The following CPLANE1 variants were observed in gnomAD, a reference collection of about 807,000 sequenced individuals.
CPLANE1 encodes the protein ciliogenesis and planar polarity effector 1.
CPLANE1 carries 263 observed loss-of-function variants against 362.5 expected under a neutral mutation model. The ratio of observed to expected loss-of-function variants is 0.73; its 90% CI spans 0.66 to 0.80. The LOEUF is 0.80. CPLANE1 is among the 30% of genes least tolerant of loss of function. The probability of loss-of-function intolerance (pLI) is 0.00; values close to 1 mark genes in which losing one functional copy is unlikely to be tolerated. For synonymous variants in CPLANE1, 1,212 were observed against 1,302.6 expected (o/e 0.93, Z 1.50); for missense variants, 3,461 against 3,793.4 (o/e 0.91, Z 2.30).
chr5:37,189,948 G>GAGATCACGCCACTGCACTCC (rs1785034309), intron 21 of CPLANE1, among the ~76,000 whole-genome samples: 1 of 151,496 alleles, frequency 6.6e-6, no homozygotes, highest in Non-Finnish European at 1.5e-5. Context: ...GCAGTGAGCT[G>GAGATCACGCCACTGCACTCC]AGATCACGCC....
At chr5:37,115,702 T>C (rs1760745970) in intron 50 of CPLANE1, among the ~76,000 whole-genome samples, 1 of 150,794 alleles carries the variant, frequency 6.6e-6, no homozygotes, top group African/African-American at 2.4e-5. Context: ...GGTCAAATGA[T>C]TCCCCTGCCT....
Position 37,142,330 on chromosome 5 carries a change from T to C in CPLANE1, c.8612A>G (p.Asp2871Gly), listed in dbSNP as rs750310066. Residue 2871 changes from aspartate to glycine, a missense_variant, in exon 44 of 53, where the codon GAT becomes GGT. By Grantham distance (94) the Asp-to-Gly change is moderately conservative (BLOSUM62 -1). This residue lies in a region of CPLANE1 where 3,380 missense variants were observed against 3,666.1 expected (regional missense o/e 0.92). Coordinates refer to ENST00000651892, the MANE Select transcript of CPLANE1 (RefSeq NM_001384732.1). ...AATACCAGGAGAAGTAGTATTCTGA[T>C]CACTGGAACTGGAAAGGCTGACAGC... Reference protein sequence around the residue: ...DSAVSLSSSSDQNTTSPGMNS... With the variant: ...DSAVSLSSSSGQNTTSPGMNS... The C allele has an allele frequency of 6.3e-7, 1 of 1,599,750 alleles. No homozygotes were observed. The highest frequency in any genetic ancestry group is 1.8e-5 in the Admixed American group (1 of 56,706).
chr5:37,218,810 TG>T (rs2150328554), intron 15 of CPLANE1, among the ~76,000 whole-genome samples: 1 of 152,004 alleles, frequency 6.6e-6, no homozygotes, highest in South Asian at 2.1e-4. Flanking sequence ...TAGCTAGGCA[TG>T]GTGGCAGGCG....
the CPLANE1 span, chr5:37,085,819 C>A: frequency 7.1e-7 from 1 of 1,399,344 alleles, no homozygotes. Context: ...AAGAGAGAGA[C>A]AAAAGACTGG....
chr5:37,192,135 A>G (rs550686832), intron 21 of CPLANE1, among the ~76,000 whole-genome samples: 2 of 152,290 alleles, frequency 1.3e-5, no homozygotes, highest in East Asian at 1.9e-4. Flanking sequence ...CAATGTTTAG[A>G]TATGTTTATA....
chr5:37,185,208 T>C (rs1286193754), intron 24 of CPLANE1, 129 bp from the exon 25 acceptor site: 2 of 728,318 alleles, frequency 2.7e-6, no homozygotes, highest in East Asian at 2.8e-5. Flanking sequence ...TTCCACATTC[T>C]TACTGGTCGT....
rs760692002 is a variant in CPLANE1 at position 37,173,799 on chromosome 5, A to G, written c.6127T>C (p.Ser2043Pro). The G allele has an allele frequency of 1.2e-6, 2 of 1,613,994 alleles. No individual in the cohort carries two copies. Among genetic ancestry groups the G allele is most frequent in the Non-Finnish European group, 1.7e-6 (2 of 1,180,004 alleles). The change falls in exon 32 of 53, where the codon TCC becomes CCC. Residue 2043 changes from serine (S) to proline (P), a missense_variant. Physicochemically the swap from Ser to Pro is moderately conservative, Grantham distance 74. Around this residue, in one of 2 missense-constraint regions of CPLANE1, gnomAD observed 3,380 missense variants for 3,666.1 expected, o/e 0.92. Coordinates refer to ENST00000651892, the MANE Select transcript of CPLANE1 (RefSeq NM_001384732.1). Reference protein sequence around the residue: ...FTAQLPDCSESVRQMLQDEMF... With the variant: ...FTAQLPDCSEPVRQMLQDEMF... ...TCATCTTGCAGCATCTGCCTAACGGACTCCGAACAATCTGGTAACTGAGCC... is the reference window on the plus strand; with the variant it reads ...TCATCTTGCAGCATCTGCCTAACGGGCTCCGAACAATCTGGTAACTGAGCC...
At position 37,209,222 on chromosome 5, in the gene CPLANE1, G is replaced by T. The variant is rs1013112768; in HGVS notation, c.2921-2797C>A. 4.3e-5 allele frequency: 25 copies of T among 588,132 alleles called. No individual in the cohort carries two copies. The highest frequency in any genetic ancestry group is 7.1e-5 in the Non-Finnish European group (23 of 325,454). 36.4% of individuals were successfully genotyped at this position (588,132 alleles called of 1,614,324 possible). ...AAGGCAGAGAGCGTTCAGCACCCTT[G>T]TTCCTCCCGACCCCTCAGGACAGAA... On this transcript the variant is annotated intron_variant, in intron 16 of 52. Transcript: ENST00000651892. The surrounding 1 kb of genome is among the most constrained non-coding windows in gnomAD (Gnocchi z 4.6).
chr5:37,189,930 T>C (rs1023916589), intron 21 of CPLANE1, among the ~76,000 whole-genome samples: 1 of 150,868 alleles, frequency 6.6e-6, no homozygotes, highest in Non-Finnish European at 1.5e-5. Flanking sequence ...ACCGGGGAGG[T>C]GGAGATTGCA....
intron 36 of CPLANE1, 122 bp downstream of exon 36, chr5:37,165,417 A>G (rs951386046): frequency 3.4e-6 from 3 of 893,642 alleles, no homozygotes; most frequent in Non-Finnish European, 5.3e-6. Flanking sequence ...ATACTGAATG[A>G]TATGAAGATC....
At chr5:37,177,973 C>T (rs1781646572) in intron 29 of CPLANE1, among the ~76,000 whole-genome samples, 1 of 152,146 alleles carries the variant, frequency 6.6e-6, no homozygotes, top group Non-Finnish European at 1.5e-5. Context: ...AAATTATATA[C>T]ACCTAACACT....
At position 37,142,446 on chromosome 5, in the gene CPLANE1, T is replaced by A; in HGVS notation, c.8496A>T (p.Gln2832His). 1 of 1,606,042 alleles carries A rather than the reference T, an allele frequency of 6.2e-7. No homozygotes were observed. The highest frequency in any genetic ancestry group is 8.5e-7 in the Non-Finnish European group (1 of 1,176,856). ...RFLTHMDEEDQSDKKETSEPE... is the reference protein window; with the variant it reads ...RFLTHMDEEDHSDKKETSEPE... ...GTTCTGAAGTCTCCTTTTTGTCACT[T>A]TGATCTTCTTCATCCATATGGGTCA... The change falls in exon 44 of 53, where the codon CAA becomes CAT. Residue 2832 changes from glutamine (Q) to histidine (H), a missense_variant. Gln to His is a conservative substitution (Grantham distance 24). Transcript: ENST00000651892.
chr5:37,222,623 T>A (rs1795598163), intron 14 of CPLANE1, among the ~76,000 whole-genome samples: 1 of 152,182 alleles, frequency 6.6e-6, no homozygotes, highest in Non-Finnish European at 1.5e-5. Context: ...AAACAAAATG[T>A]CCATAATGGA....
intron 18 of CPLANE1, among the ~76,000 whole-genome samples, chr5:37,204,683 C>A (rs957164110): frequency 4.6e-5 from 7 of 151,318 alleles, no homozygotes; most frequent in African/African-American, 1.7e-4. Context: ...TCTGGGGTGG[C>A]CTTGCTCTGC....
intron 32 of CPLANE1, among the ~76,000 whole-genome samples, chr5:37,170,807 G>A (rs1035810081): frequency 1.3e-5 from 2 of 152,094 alleles, no homozygotes; most frequent in Admixed American, 6.6e-5. Flanking sequence ...GTGGTGGCAC[G>A]GGCCCGTAGT....
intron 43 of CPLANE1, among the ~76,000 whole-genome samples, chr5:37,143,936 GA>G (rs10715136): frequency 0.54 from 67,468 of 125,804 alleles, 19,536 homozygotes; most frequent in African/African-American, 0.86. Flanking sequence ...ACTCTGTCTC[GA>G]AAAAAAAAAA....
chr5:37,209,944 A>G lies in CPLANE1; in HGVS notation c.2921-3519T>C. On this transcript the variant is annotated intron_variant, in intron 16 of 52. Coordinates refer to ENST00000651892, the MANE Select transcript of CPLANE1 (RefSeq NM_001384732.1). The surrounding 1 kb of genome is among the most constrained non-coding windows in gnomAD (Gnocchi z 4.6). ...GCTTACCCTCAGCGTATCAAGTTTG[A>G]GTCTTTAGAAATAAAGCTAAATGAA... 2 of 1,235,668 alleles carry G rather than the reference A, an allele frequency of 1.6e-6. No individual in the cohort carries two copies. Among genetic ancestry groups the G allele is most frequent in the Non-Finnish European group, 2.4e-6 (2 of 836,612 alleles). The allele number at this position is 1,235,668 out of a possible 1,614,324, so 76.5% of individuals were successfully genotyped here.
intron 6 of CPLANE1, 87 bp downstream of exon 6, chr5:37,242,926 C>G (rs1044306680): frequency 1.3e-6 from 1 of 796,440 alleles, no homozygotes; most frequent in East Asian, 3.0e-5. Context: ...TGTGCCACTA[C>G]CCCCCAGTCT....
At position 37,164,321 on chromosome 5, in the gene CPLANE1, G is replaced by A; in HGVS notation, c.7540C>T (p.Gln2514Ter). ...AAAGGATGGGAACCACAATGTTCTT[G>A]TTGTTCCTAAATGAATTCCCACAGG... Reference protein sequence around the residue: ...SEIIKKPKEQQEHCGSHPLDD... With the variant: ...SEIIKKPKEQ The change falls in exon 37 of 53, where the codon CAA (glutamine) becomes TAA (stop). Residue 2514 changes from glutamine to a stop codon, truncating the protein, a stop_gained. Coordinates refer to ENST00000651892, the MANE Select transcript of CPLANE1 (RefSeq NM_001384732.1). LOFTEE classifies it high-confidence loss of function. The A allele has an allele frequency of 6.2e-7, 1 of 1,612,682 alleles. No homozygotes were observed. Among genetic ancestry groups the A allele is most frequent in the Non-Finnish European group, 8.5e-7 (1 of 1,178,958 alleles).
Sources: allele counts gnomAD v4.1 joint callset (sites outside exome capture counted in the v4.1 genomes callset), GRCh38; gene constraint gnomAD v4.1.1; regional missense constraint gnomAD v4.1.1; non-coding constraint Gnocchi (gnomAD v3.1); transcripts MANE v1.5; gene names NCBI Gene and HGNC (gene_info 2026-07-23, HGNC 2026-07-21).